COLEC11: variants seen among roughly 807,000 people sequenced by gnomAD.
The protein encoded by COLEC11 is collectin subfamily member 11, also known as collectin-11.
Under a neutral mutation model 27.3 loss-of-function variants are expected in COLEC11, and 20 were observed. The observed-to-expected ratio is 0.73, with a 90% CI of 0.51 to 1.06. COLEC11 has a LOEUF of 1.06. Among genes scored for constraint, COLEC11 ranks in the 50% least tolerant of loss-of-function variants. The pLI, the probability that COLEC11 is intolerant of heterozygous loss-of-function variation, is 0.00. For synonymous variants in COLEC11, 163 were observed against 154.7 expected (o/e 1.05, Z -0.40); for missense variants, 310 against 383.0 (o/e 0.81, Z 1.59).
chr2:3,614,072 G>A (rs1241549525), intron 3 of COLEC11, among the ~76,000 whole-genome samples: 3 of 150,906 alleles, frequency 2.0e-5, no homozygotes, highest in Non-Finnish European at 2.9e-5. Context: ...CTCCTCCCAG[G>A]TTCAAGCTAT....
chr2:3,611,031 G>A (rs192878975), intron 2 of COLEC11, among the ~76,000 whole-genome samples: 3 of 152,190 alleles, frequency 2.0e-5, no homozygotes, highest in South Asian at 2.1e-4. Flanking sequence ...GTGGTTCTCC[G>A]CAGGCCCTTT....
intron 2 of COLEC11, among the ~76,000 whole-genome samples, chr2:3,610,247 G>A (rs1477732894): frequency 6.6e-6 from 1 of 152,222 alleles, no homozygotes; most frequent in African/African-American, 2.4e-5. Flanking sequence ...GCCCCATGTA[G>A]GGGGAGAGGT....
At chr2:3,628,162 A>C (rs1339165386) in intron 3 of COLEC11, among the ~76,000 whole-genome samples, 1 of 152,226 alleles carries the variant, frequency 6.6e-6, no homozygotes, top group African/African-American at 2.4e-5. Flanking sequence ...CTGAGGTTTC[A>C]TATCTTCAAA....
chr2:3,619,352 T>C (rs1357882656), intron 3 of COLEC11, among the ~76,000 whole-genome samples: 1 of 152,218 alleles, frequency 6.6e-6, no homozygotes, highest in Non-Finnish European at 1.5e-5. Context: ...TTGTTTCTGA[T>C]TTTAGAGTAA....
At chr2:3,619,411 A>T (rs1163157818) in intron 3 of COLEC11, among the ~76,000 whole-genome samples, 1 of 152,184 alleles carries the variant, frequency 6.6e-6, no homozygotes, top group Non-Finnish European at 1.5e-5. Context: ...TGGACTTCTC[A>T]TACATGGCCT....
chr2:3,626,018 C>CA, intron 3 of COLEC11: 9 of 1,613,652 alleles, frequency 5.6e-6, no homozygotes, highest in Non-Finnish European at 7.6e-6. Flanking sequence ...TTCCAGCAGT[C>CA]ACAGCCAGTC....
intron 3 of COLEC11, among the ~76,000 whole-genome samples, chr2:3,627,840 C>T (rs912614390): frequency 6.6e-5 from 10 of 152,144 alleles, no homozygotes; most frequent in Non-Finnish European, 1.0e-4. Context: ...TAACACTGGG[C>T]GTGATGACAA....
intron 1 of COLEC11, among the ~76,000 whole-genome samples, chr2:3,597,390 GATGA>G (rs1661919844): frequency 7.0e-6 from 1 of 143,354 alleles, no homozygotes; most frequent in African/African-American, 2.6e-5. Context: ...GGGGTCAGCG[GATGA>G]ATGGAGTGAA....
In COLEC11 at chr2:3,644,362, T is replaced by C. The variant is rs568274049; in HGVS notation, c.*244T>C. 1.0e-5 allele frequency: 7 copies of C among 675,928 alleles called. No individual in the cohort carries two copies. Among genetic ancestry groups the C allele is most frequent in the African/African-American group, 7.0e-5 (4 of 56,872 alleles). The allele number at this position is 675,928 out of a possible 1,614,324, so 41.9% of individuals were successfully genotyped here. A position where few individuals can be genotyped will look rare whatever the true frequency, so the allele number is the denominator to read the frequency against. The stretch of plus-strand genomic sequence containing the variant: ...ACCTGTATTGTAGCCCCAATGTCAT[T>C]ATGTAATTATTACCCAGAATTGCTC... On this transcript the variant is annotated 3_prime_UTR_variant, in exon 7 of 7. Transcript: ENST00000349077.
rs187048643 is a variant in COLEC11 at position 3,603,455 on chromosome 2, T to C, written c.-26-860T>C. On this transcript the variant is annotated intron_variant, in intron 1 of 6. Transcript: ENST00000349077. ...CCTCAGCCTCCCAAGTAGCTGGGAT[T>C]AGAGGTGCCCGCCACCACACCCAGC... The C allele has an allele frequency of 9.2e-4, 542 of 587,558 alleles. 3 individuals carry two copies. Among genetic ancestry groups the C allele is most frequent in the African/African-American group, 8.6e-3 (465 of 54,212 alleles). 36.4% of individuals were successfully genotyped at this position (587,558 alleles called of 1,614,324 possible). A position where few individuals can be genotyped will look rare whatever the true frequency, so the allele number is the denominator to read the frequency against.
At chr2:3,635,077 C>CTCCCCTGCCTGTCCCCCA (rs1665292793) in intron 3 of COLEC11, among the ~76,000 whole-genome samples, 2 of 139,590 alleles carry the variant, frequency 1.4e-5, no homozygotes, top group Non-Finnish European at 3.1e-5. Flanking sequence ...GATGATCCCT[C>CTCCCCTGCCTGTCCCCCA]TCCCCTGCCT....
At chr2:3,612,413 C>T (rs760297361) in intron 2 of COLEC11, among the ~76,000 whole-genome samples, 1 of 152,104 alleles carries the variant, frequency 6.6e-6, no homozygotes, top group Non-Finnish European at 1.5e-5. Flanking sequence ...AAGAGCCTCC[C>T]GGAGAACCAG....
At chr2:3,629,156 C>A (rs1664788749) in intron 3 of COLEC11, among the ~76,000 whole-genome samples, 1 of 152,170 alleles carries the variant, frequency 6.6e-6, no homozygotes, top group Admixed American at 6.5e-5. Flanking sequence ...ACACTACTGT[C>A]CGGCCAAGGG....
rs534124034 is a variant in COLEC11, at chr2:3,606,733, C to A, written c.130+2263C>A. On this transcript the variant is annotated intron_variant, in intron 2 of 6. Coordinates refer to ENST00000349077, the MANE Select transcript of COLEC11 (RefSeq NM_024027.5). ...AGAGGCGAGCACCAGGGGCAAGGAG[C>A]GGTTTAGAAGGATTCAGGATACCCA... Among the ~76,000 whole-genome samples the A allele has an allele frequency of 1.2e-4, 19 of 152,304 alleles. No individual in the cohort carries two copies. In the South Asian group the frequency reaches 3.5e-3, roughly 28 times the overall value.
At chr2:3,607,019 G>A (rs1662762325) in intron 2 of COLEC11, among the ~76,000 whole-genome samples, 1 of 152,218 alleles carries the variant, frequency 6.6e-6, no homozygotes, top group Non-Finnish European at 1.5e-5. Context: ...CAGTCCCGCC[G>A]TTCGGCCCCG....
chr2:3,630,449 G>A (rs1664917702), intron 3 of COLEC11, among the ~76,000 whole-genome samples: 1 of 152,198 alleles, frequency 6.6e-6, no homozygotes, highest in Non-Finnish European at 1.5e-5. Context: ...CATCCCTAAA[G>A]AACTGAGGGT....
At chr2:3,636,970 TCTG>T (rs1194021833) in intron 3 of COLEC11, among the ~76,000 whole-genome samples, 1 of 152,126 alleles carries the variant, frequency 6.6e-6, no homozygotes, top group Admixed American at 6.5e-5. Flanking sequence ...GATCAGGCAT[TCTG>T]CTGTAGAGCA....
intron 3 of COLEC11, among the ~76,000 whole-genome samples, chr2:3,615,207 T>C (rs1043681252): frequency 1.1e-4 from 16 of 152,224 alleles, no homozygotes; most frequent in Admixed American, 9.8e-4. Flanking sequence ...GGCAGGGTCA[T>C]AGGACAACAG....
intron 3 of COLEC11, among the ~76,000 whole-genome samples, chr2:3,619,620 A>G (rs1271405430): frequency 1.3e-5 from 2 of 152,116 alleles, no homozygotes; most frequent in Non-Finnish European, 2.9e-5. Context: ...TTGCTTGATC[A>G]TGGTGTATAA....
Sources: gnomAD v4.1 joint callset for allele counts (sites outside exome capture counted in the v4.1 genomes callset) on GRCh38, gnomAD v4.1.1 for gene constraint, MANE v1.5 for transcripts, NCBI Gene and HGNC (gene_info 2026-07-23, HGNC 2026-07-21) for gene names.